PDE8A: variants seen among roughly 807,000 people sequenced by gnomAD.
PDE8A encodes the protein phosphodiesterase 8A, also known as high affinity cAMP-specific and IBMX-insensitive 3',5'-cyclic phosphodiesterase 8A.
In PDE8A, 59 loss-of-function variants were observed where a neutral mutation model predicts 105.0. The ratio of observed to expected loss-of-function variants is 0.56; its 90% CI spans 0.46 to 0.70. The LOEUF is 0.70. Ranked by LOEUF, PDE8A falls within the 30% of genes least tolerant of loss-of-function variation. The probability of loss-of-function intolerance (pLI) is 0.00; values close to 1 mark genes in which losing one functional copy is unlikely to be tolerated. For missense variants in PDE8A, 1,014 were observed against 1,045.9 expected (o/e 0.97, Z 0.42); for synonymous variants, 355 against 371.9 (o/e 0.95, Z 0.52).
rs369391772 is a variant in PDE8A at position 85,067,890 on chromosome 15, C to T, written c.434+686C>T. 3.2e-4 allele frequency among the ~76,000 whole-genome samples: 48 copies of T among 152,182 alleles called. 1 individual carries two copies. In the East Asian group the frequency reaches 4.6e-3, roughly 15 times the overall value. On this transcript the variant is annotated intron_variant, in intron 3 of 21. Coordinates refer to ENST00000394553, the MANE Select transcript of PDE8A (RefSeq NM_002605.3). ...CCTTGGTGTTGAGAACTCTACACTC[C>T]TGGTAGTCAGACTAGGTAGCGTTTA...
intron 1 of PDE8A, among the ~76,000 whole-genome samples, chr15:85,001,976 CT>C (rs778192310): frequency 6.6e-6 from 1 of 151,284 alleles, no homozygotes; most frequent in Non-Finnish European, 1.5e-5. Flanking sequence ...AAAATTCTAC[CT>C]TTTTTTTTAA....
At chr15:85,055,904 T>C (rs1489712941) in intron 1 of PDE8A, among the ~76,000 whole-genome samples, 4 of 152,230 alleles carry the variant, frequency 2.6e-5, no homozygotes, top group East Asian at 1.9e-4. Context: ...TTCCTAGCCT[T>C]GATGGTCTTT....
intron 1 of PDE8A, among the ~76,000 whole-genome samples, chr15:85,013,075 A>G (rs1164416919): frequency 2.6e-5 from 4 of 152,144 alleles, no homozygotes. Context: ...TTCTTCATCA[A>G]TTTCTAGTTG....
In PDE8A at chr15:85,082,069, A is replaced by C. The variant is rs766775745; in HGVS notation, c.547-1487A>C. Among the ~76,000 whole-genome samples the C allele has an allele frequency of 4.9e-4, 75 of 152,196 alleles. 1 individual carries two copies. Among genetic ancestry groups the C allele is most frequent in the Admixed American group, 3.2e-3 (49 of 15,288 alleles). On this transcript the variant is annotated intron_variant, in intron 5 of 21. Transcript: ENST00000394553. ...CCTGGAGTGGCACAAGCACTATGTC[A>C]AGAAATCTCTTTTCCCTGTCCCTGC...
chr15:85,096,444 C>T (rs118030617), intron 8 of PDE8A, among the ~76,000 whole-genome samples: 11 of 152,072 alleles, frequency 7.2e-5, no homozygotes, highest in East Asian at 3.9e-4. Context: ...GGGTGAATGG[C>T]GAGAACCTGT....
At chr15:85,057,541 C>T (rs1228477518) in intron 1 of PDE8A, among the ~76,000 whole-genome samples, 4 of 152,132 alleles carry the variant, frequency 2.6e-5, no homozygotes, top group Non-Finnish European at 5.9e-5. Context: ...GCTGCACTTA[C>T]TGTCCGACAA....
chr15:85,113,227 AC>A, intron 12 of PDE8A, 149 bp from the exon 13 acceptor site: 1 of 700,762 alleles, frequency 1.4e-6, no homozygotes, highest in Non-Finnish European at 2.6e-6. Flanking sequence ...TTATGCCAGA[AC>A]CCCAGGCTTG....
At chr15:84,992,220 A>G (rs925292718) in intron 1 of PDE8A, among the ~76,000 whole-genome samples, 10 of 152,074 alleles carry the variant, frequency 6.6e-5, no homozygotes, top group African/African-American at 2.2e-4. Context: ...TGATGATGGC[A>G]CCTTGGGGGA....
At chr15:85,040,237 G>C (rs1422323140) in intron 1 of PDE8A, among the ~76,000 whole-genome samples, 1 of 152,044 alleles carries the variant, frequency 6.6e-6, no homozygotes, top group Non-Finnish European at 1.5e-5. Context: ...GAGCCCAGGA[G>C]TTCCAGGCCA....
rs142701045 is a variant in PDE8A at position 84,987,255 on chromosome 15, T to C, written c.186+4907T>C. Among the ~76,000 whole-genome samples, 683 of 152,346 alleles carry C rather than the reference T, an allele frequency of 4.5e-3. 4 individuals are homozygous for C. Among genetic ancestry groups the C allele is most frequent in the African/African-American group, 0.016 (657 of 41,568 alleles). On this transcript the variant is annotated intron_variant, in intron 1 of 21. Coordinates refer to ENST00000394553, the MANE Select transcript of PDE8A (RefSeq NM_002605.3). ...ATAGCATATGTTTTTTAGTACTTACTGTCATTGCCACCATAACTTTAAGTG... is the reference window on the plus strand; with the variant it reads ...ATAGCATATGTTTTTTAGTACTTACCGTCATTGCCACCATAACTTTAAGTG...
At chr15:84,985,711 G>A (rs192241042) in intron 1 of PDE8A, among the ~76,000 whole-genome samples, 4 of 152,242 alleles carry the variant, frequency 2.6e-5, no homozygotes, top group South Asian at 2.1e-4. Context: ...TAGGCCTTCC[G>A]TAAACGTATG....
upstream of PDE8A, chr15:84,980,493 G>A (rs555087437): frequency 1.3e-5 from 2 of 152,304 alleles, no homozygotes; most frequent in Non-Finnish European, 2.9e-5. Flanking sequence ...CCAGGGCCGC[G>A]CTAGGAAAGG....
At chr15:85,029,077 G>T (rs1484682887) in intron 1 of PDE8A, among the ~76,000 whole-genome samples, 1 of 151,998 alleles carries the variant, frequency 6.6e-6, no homozygotes, top group Non-Finnish European at 1.5e-5. Context: ...TTTCATTTAG[G>T]AATTCTTATT....
At chr15:85,047,132 G>T (rs2080899451) in intron 1 of PDE8A, among the ~76,000 whole-genome samples, 1 of 152,068 alleles carries the variant, frequency 6.6e-6, no homozygotes, top group Non-Finnish European at 1.5e-5. Flanking sequence ...TAAAATCAAA[G>T]CTATGCTATT....
At chr15:85,094,517 A>C (rs2081707329) in intron 8 of PDE8A, among the ~76,000 whole-genome samples, 1 of 152,142 alleles carries the variant, frequency 6.6e-6, no homozygotes, top group Non-Finnish European at 1.5e-5. Context: ...CTCTTTTCCA[A>C]GGTCTGGTTC....
chr15:84,984,698 A>AATATGTGG (rs1322014005), intron 1 of PDE8A, among the ~76,000 whole-genome samples: 29 of 152,338 alleles, frequency 1.9e-4, no homozygotes, highest in African/African-American at 7.0e-4. Context: ...TCTATGGAAC[A>AATATGTGG]ATATGTGGAC....
At chr15:85,001,587 C>A (rs746721635) in intron 1 of PDE8A, among the ~76,000 whole-genome samples, 1 of 152,108 alleles carries the variant, frequency 6.6e-6, no homozygotes, top group Non-Finnish European at 1.5e-5. Flanking sequence ...GTGGCTGGTA[C>A]TGGGTATCCT....
At chr15:84,990,725 AT>A in intron 1 of PDE8A, among the ~76,000 whole-genome samples, 1 of 152,380 alleles carries the variant, frequency 6.6e-6, no homozygotes, top group African/African-American at 2.4e-5. Flanking sequence ...ATGTGCTTTC[AT>A]TCCCCTTGGT....
intron 14 of PDE8A, 114 bp downstream of exon 14, chr15:85,114,151 G>A: frequency 1.1e-6 from 1 of 870,740 alleles, no homozygotes; most frequent in Non-Finnish European, 1.8e-6. Context: ...GTAGGGTTCA[G>A]TCAAGACCTA....
Sources: gnomAD v4.1 joint callset for allele counts (sites outside exome capture counted in the v4.1 genomes callset) on GRCh38, gnomAD v4.1.1 for gene constraint, MANE v1.5 for transcripts, NCBI Gene and HGNC (gene_info 2026-07-23, HGNC 2026-07-21) for gene names.